FAN1: variants seen among roughly 807,000 people sequenced by gnomAD.
FAN1 encodes FANCD2 and FANCI associated nuclease 1.
A neutral mutation model predicts 104.9 loss-of-function variants in FAN1; 91 were observed. The observed-to-expected ratio is 0.87, with a 90% confidence interval of 0.73 to 1.03. The LOEUF (loss-of-function observed/expected upper bound fraction) is 1.03, where lower values mean the gene tolerates loss of function less well. FAN1 is among the 50% of genes least tolerant of loss of function. The pLI is 0.00. For synonymous variants in FAN1, 478 were observed against 457.6 expected, an observed-to-expected ratio of 1.04 and a Z score of -0.57; for missense variants, 1,263 against 1,239.9, an observed-to-expected ratio of 1.02 and a Z score of -0.28.
In FAN1 at chr15:30,910,724, C is replaced by CTGG; in HGVS notation, c.1490_1492dup (p.Val497dup). ...GAATCCCAATGGACAGAAACAGCAGCTGGTGGACGCCTTTCTCAAATTGGC... is the reference window on the plus strand; with the variant it reads ...GAATCCCAATGGACAGAAACAGCAGCTGGTGGTGGACGCCTTTCTCAAATTGGC... On this transcript the variant is annotated inframe_insertion, in exon 4 of 15. Coordinates refer to ENST00000362065, the MANE Select transcript of FAN1 (RefSeq NM_014967.5). 6.2e-7 allele frequency: 1 copy of CTGG among 1,614,080 alleles called. No individual in the cohort carries two copies. Among genetic ancestry groups the CTGG allele is most frequent in the Non-Finnish European group, 8.5e-7 (1 of 1,179,998 alleles).
In FAN1 at chr15:30,942,267, CCTAGG is replaced by C; in HGVS notation, c.*708_*712del. On this transcript the variant is annotated 3_prime_UTR_variant, in exon 15 of 15. Transcript: ENST00000362065. Reference sequence around the variant, plus strand: ...TACACTTTTTTATGTGTTGACTCTACCTAGGCTGTTACTATCAGCCTGAATGGGGG... The same window carrying C: ...TACACTTTTTTATGTGTTGACTCTACCTGTTACTATCAGCCTGAATGGGGG... 1.4e-6 allele frequency: 1 copy of C among 692,664 alleles called. No individual in the cohort carries two copies. Among genetic ancestry groups the C allele is most frequent in the Admixed American group, 3.0e-5 (1 of 33,776 alleles). 42.9% of individuals were successfully genotyped at this position (692,664 alleles called of 1,614,324 possible). A position where few individuals can be genotyped will look rare whatever the true frequency, so the allele number is the denominator to read the frequency against.
Position 30,918,250 on chromosome 15 carries a change from G to A in FAN1, c.1898G>A (p.Cys633Tyr). 1.2e-6 allele frequency: 2 copies of A among 1,614,128 alleles called. No individual in the cohort carries two copies. The highest frequency in any genetic ancestry group is 1.7e-6 in the Non-Finnish European group (2 of 1,180,014). The change falls in exon 6 of 15, where the codon TGT (cysteine) becomes TAT (tyrosine). Residue 633 changes from cysteine to tyrosine, a missense_variant. This residue lies in a region of FAN1 where 581 missense variants were observed against 668.8 expected (regional missense o/e 0.87). Coordinates refer to ENST00000362065, the MANE Select transcript of FAN1 (RefSeq NM_014967.5). ...NWEEAKELAQ[C>Y]AKRDWNRLKN... is the part of the protein sequence containing the mutation. Reference sequence around the variant, plus strand: ...GAAGAAGCTAAGGAGCTCGCTCAGTGTGCAAAAAGGGATTGGAACAGACTG... The same window carrying A: ...GAAGAAGCTAAGGAGCTCGCTCAGTATGCAAAAAGGGATTGGAACAGACTG...
At chr15:30,932,752 C>T (rs1298968727) in intron 13 of FAN1, among the ~76,000 whole-genome samples, 25 of 139,278 alleles carry the variant, frequency 1.8e-4, no homozygotes, top group African/African-American at 4.8e-4. Flanking sequence ...CTCGCTCTGT[C>T]GCCCAGACTG....
chr15:30,925,373 T>C (rs761418848), intron 9 of FAN1, 82 bp downstream of exon 9: 1 of 1,302,766 alleles, frequency 7.7e-7, no homozygotes, highest in Non-Finnish European at 1.1e-6. Flanking sequence ...AAGAGCTGTT[T>C]TGAGTGTGTG....
chr15:30,909,337 CG>C (rs991675326), intron 3 of FAN1, among the ~76,000 whole-genome samples: 1 of 152,062 alleles, frequency 6.6e-6, no homozygotes, highest in African/African-American at 2.4e-5. Context: ...GGGAAAGTTG[CG>C]GGAGAGGCAT....
rs564478038 is a variant in FAN1, at chr15:30,912,046, A to G, written c.1577+1231A>G. 1.9e-3 allele frequency among the ~76,000 whole-genome samples: 264 copies of G among 136,774 alleles called. 2 individuals carry two copies. The highest frequency in any genetic ancestry group is 6.9e-3 in the African/African-American group (250 of 36,472). The allele number at this position is 136,774 out of a possible 152,430, so 89.7% of individuals were successfully genotyped here. ...CACTGCACACCAGCCTGGGTGACAGAGTGAGACTCCATCTCAAAAAAAAAA... is the reference window on the plus strand; with the variant it reads ...CACTGCACACCAGCCTGGGTGACAGGGTGAGACTCCATCTCAAAAAAAAAA... On this transcript the variant is annotated intron_variant, in intron 4 of 14. Coordinates refer to ENST00000362065, the MANE Select transcript of FAN1 (RefSeq NM_014967.5).
At chr15:30,924,312 G>C (rs889586787) in intron 8 of FAN1, among the ~76,000 whole-genome samples, 1 of 152,156 alleles carries the variant, frequency 6.6e-6, no homozygotes, top group South Asian at 2.1e-4. Flanking sequence ...ATGAACCTCT[G>C]TTTCAGTCCC....
intron 8 of FAN1, 90 bp downstream of exon 8, chr15:30,922,444 G>A: frequency 7.8e-7 from 1 of 1,287,772 alleles, no homozygotes; most frequent in Non-Finnish European, 1.1e-6. Context: ...AAATTTACAT[G>A]TAATTAGAAC....
chr15:30,905,550 G>A lies in FAN1; in HGVS notation c.887G>A (p.Arg296His), dbSNP rs145950723. 123 of 1,613,878 alleles carry A rather than the reference G, an allele frequency of 7.6e-5. No homozygotes were observed. In the African/African-American group the frequency reaches 1.1e-3, roughly 14 times the overall value. ...QECIKEVVEK[R>H]EACHCEEVKM... ...TGTATCAAAGAAGTGGTTGAAAAACGTGAGGCATGTCATTGTGAAGAAGTA... is the reference window on the plus strand; with the variant it reads ...TGTATCAAAGAAGTGGTTGAAAAACATGAGGCATGTCATTGTGAAGAAGTA... Residue 296 changes from arginine (R) to histidine (H), a missense_variant, in exon 2 of 15, where the codon CGT becomes CAT. Physicochemically the swap from Arg to His is conservative, Grantham distance 29. This residue lies in a region of FAN1 where 682 missense variants were observed against 571.1 expected (regional missense o/e 1.19). Coordinates refer to ENST00000362065, the MANE Select transcript of FAN1 (RefSeq NM_014967.5).
At chr15:30,928,944 G>C in intron 11 of FAN1, 1 of 344,794 alleles carries the variant, frequency 2.9e-6, no homozygotes, top group East Asian at 1.7e-4. Context: ...CGCAGGCACT[G>C]TGCCAAGGAG....
chr15:30,929,383 CTT>C lies in FAN1; in HGVS notation c.2774_2775del (p.Leu925ProfsTer25), dbSNP rs765970053. ...SLVSWDRFTS[L>X]QQAQDLVSCL... ...TGTCAGCTGGGATCGCTTCACGTCT[CTT>C]CAGCAAGCTCAGGTAATGGTTCACC... is the stretch of plus-strand genomic sequence containing the variant. On this transcript the variant is annotated frameshift_variant, in exon 12 of 15. Transcript: ENST00000362065. LOFTEE classifies it high-confidence loss of function. 59 of 1,602,902 alleles carry C rather than the reference CTT, an allele frequency of 3.7e-5. No homozygotes were observed. Among genetic ancestry groups the C allele is most frequent in the Non-Finnish European group, 4.7e-5 (55 of 1,174,186 alleles).
Position 30,905,452 on chromosome 15 carries a change from G to A in FAN1, c.789G>A (p.Met263Ile), listed in dbSNP as rs766931732. The change falls in exon 2 of 15, where the codon ATG becomes ATA. Residue 263 changes from methionine (M) to isoleucine (I), a missense_variant. By Grantham distance (10) the Met-to-Ile change is conservative. This residue lies in a region of FAN1 where 682 missense variants were observed against 571.1 expected (regional missense o/e 1.19). Transcript: ENST00000362065. ...LTPGFSDNAI[M>I]LFSPDFTLRN... Reference sequence around the variant, plus strand: ...CTGGATTCTCAGATAATGCGATCATGTTATTCTCACCAGATTTCACTCTTA... The same window carrying A: ...CTGGATTCTCAGATAATGCGATCATATTATTCTCACCAGATTTCACTCTTA... 4 of 1,614,044 alleles carry A rather than the reference G, an allele frequency of 2.5e-6. No individual in the cohort carries two copies. Among genetic ancestry groups the A allele is most frequent in the Non-Finnish European group, 3.4e-6 (4 of 1,179,948 alleles).
chr15:30,927,929 AT>A, intron 10 of FAN1: 1 of 985,718 alleles, frequency 1.0e-6, no homozygotes, highest in Non-Finnish European at 1.2e-6. Flanking sequence ...TCAGTAAAAC[AT>A]TTGTGTGACG....
At chr15:30,940,234 C>G in intron 14 of FAN1, 1 of 985,222 alleles carries the variant, frequency 1.0e-6, no homozygotes, top group Non-Finnish European at 1.2e-6. Flanking sequence ...CAGCTTTGAC[C>G]GCTACAGTGG....
intron 7 of FAN1, among the ~76,000 whole-genome samples, 195 bp downstream of exon 7, chr15:30,920,848 G>T (rs2140926570): frequency 6.6e-6 from 1 of 152,284 alleles, no homozygotes; most frequent in Non-Finnish European, 1.5e-5. Context: ...GCAGTGGCAG[G>T]GTTCAGCTTA....
intron 13 of FAN1, among the ~76,000 whole-genome samples, chr15:30,936,689 C>T (rs2062863592): frequency 6.6e-6 from 1 of 152,182 alleles, no homozygotes; most frequent in Non-Finnish European, 1.5e-5. Context: ...ACATATTTAT[C>T]CCACCAAACC....
rs890812347 is a variant in FAN1, at chr15:30,940,632, C to T, written c.*4-934C>T. On this transcript the variant is annotated intron_variant, in intron 14 of 14. Transcript: ENST00000362065. ...ATGGCACTCTCCTGTCTACAGCATA[C>T]ACCTCTGTGGAATCAGCACCCCAGA... The T allele has an allele frequency of 1.5e-5, 15 of 985,866 alleles. 1 individual carries two copies. The South Asian group carries it at 4.2e-4, about 28-fold the overall frequency. 61.1% of individuals were successfully genotyped at this position (985,866 alleles called of 1,614,324 possible).
At chr15:30,926,968 C>G in intron 10 of FAN1, 1 of 985,386 alleles carries the variant, frequency 1.0e-6, no homozygotes, top group Non-Finnish European at 1.2e-6. Context: ...AAGTACTGCA[C>G]CAAAAATGAT....
chr15:30,911,215 C>T (rs75007462), intron 4 of FAN1: 18,093 of 996,046 alleles, frequency 0.018, 169 homozygotes, highest in Non-Finnish European at 0.02. Context: ...TGAGTTTAAA[C>T]GTAACAATTT....
Sources: allele counts gnomAD v4.1 joint callset (sites outside exome capture counted in the v4.1 genomes callset), GRCh38; gene constraint gnomAD v4.1.1; regional missense constraint gnomAD v4.1.1; transcripts MANE v1.5; gene names NCBI Gene and HGNC (gene_info 2026-07-23, HGNC 2026-07-21).